OPN5: variants seen among roughly 807,000 people sequenced by gnomAD.
OPN5 encodes the protein opsin-5.
OPN5 carries 18 observed loss-of-function variants against 41.7 expected under a neutral mutation model. The ratio of observed to expected loss-of-function variants is 0.43; its 90% CI spans 0.30 to 0.64. The LOEUF is 0.64. Ranked by LOEUF, OPN5 falls within the 30% of genes least tolerant of loss-of-function variation. The pLI is 0.13. For synonymous variants in OPN5, 178 were observed against 164.3 expected (o/e 1.08, Z -0.64); for missense variants, 318 against 434.5 (o/e 0.73, Z 2.38).
At position 47,794,361 on chromosome 6, in the gene OPN5, G is replaced by C. The variant is rs538340243; in HGVS notation, c.422-868G>C. On this transcript the variant is annotated intron_variant, in intron 3 of 6. Transcript: ENST00000371211. ...TTTCCTGGCCCTCTTCGTTCGAGGT[G>C]ATGAGTGAGGTGTGAAGGTAATTTC... Among the ~76,000 whole-genome samples, 38 of 152,334 alleles carry C rather than the reference G, an allele frequency of 2.5e-4. No individual in the cohort carries two copies. In the South Asian group the frequency reaches 7.9e-3, roughly 32 times the overall value.
chr6:47,795,434 G>A lies in OPN5; in HGVS notation c.627G>A (p.Leu209=), dbSNP rs1346725691. 1.9e-6 allele frequency: 3 copies of A among 1,614,002 alleles called. No individual in the cohort carries two copies. The African/African-American group carries it at 4.0e-5, about 22-fold the overall frequency. ...TGAACATCCTCTTCTTCTGCCTCTT[G>A]CTCCCAACGGCTGTGATCGTGTTCT... The change falls in exon 4 of 7, where the codon TTG becomes TTA. Residue 209 remains leucine (L), a synonymous_variant. Coordinates refer to ENST00000371211, the Ensembl canonical transcript of OPN5.
At chr6:47,816,400 A>T (rs1762430835) in intron 6 of OPN5, among the ~76,000 whole-genome samples, 1 of 152,098 alleles carries the variant, frequency 6.6e-6, no homozygotes. Context: ...CCTGATGAGG[A>T]GAGAAATATG....
At chr6:47,807,593 A>G (rs550491029) in intron 4 of OPN5, among the ~76,000 whole-genome samples, 1 of 152,338 alleles carries the variant, frequency 6.6e-6, no homozygotes, top group South Asian at 2.1e-4. Flanking sequence ...ACTTTGGCTG[A>G]ATCTCAATGA....
At chr6:47,782,058 G>C in exon 1 of OPN5, 1 of 1,612,064 alleles carries the variant, frequency 6.2e-7, no homozygotes, top group Non-Finnish European at 8.5e-7. Context: ...CTCGTGGTTC[G>C]AGAACAGAAT....
intron 2 of OPN5, among the ~76,000 whole-genome samples, chr6:47,791,298 TA>T (rs75693501): frequency 0.24 from 35,545 of 149,710 alleles, 4,305 homozygotes; most frequent in South Asian, 0.3. Flanking sequence ...CTATTTCTGG[TA>T]AAAAAAAAAA....
intron 6 of OPN5, among the ~76,000 whole-genome samples, chr6:47,815,176 A>C (rs1352154327): frequency 1.3e-5 from 2 of 152,168 alleles, no homozygotes; most frequent in African/African-American, 2.4e-5. Context: ...TATATTTCAC[A>C]GTAAAATCCA....
intron 6 of OPN5, among the ~76,000 whole-genome samples, chr6:47,813,743 C>T (rs565422054): frequency 6.6e-6 from 1 of 151,898 alleles, no homozygotes; most frequent in South Asian, 2.1e-4. Context: ...TAAAAAATGG[C>T]ATTAAAAATG....
chr6:47,807,464 T>C (rs1774017647), intron 4 of OPN5, among the ~76,000 whole-genome samples: 1 of 152,182 alleles, frequency 6.6e-6, no homozygotes, highest in African/African-American at 2.4e-5. Flanking sequence ...TCTGAGGGTA[T>C]TTAAAACCCT....
chr6:47,801,782 C>T (rs1295575232), intron 4 of OPN5, among the ~76,000 whole-genome samples: 1 of 149,240 alleles, frequency 6.7e-6, no homozygotes, highest in African/African-American at 2.5e-5. Flanking sequence ...GTTACCACTA[C>T]TTGATGAGAC....
intron 2 of OPN5, among the ~76,000 whole-genome samples, chr6:47,788,814 G>GGT (rs3031318): frequency 6.9e-6 from 1 of 145,424 alleles, no homozygotes; most frequent in East Asian, 2.1e-4. Context: ...CTGGGGGGGG[G>GGT]CGGTGGTGGT....
intron 6 of OPN5, 86 bp from the exon 7 acceptor site, chr6:47,823,897 T>A: frequency 1.1e-6 from 1 of 918,328 alleles, no homozygotes; most frequent in East Asian, 2.6e-5. Flanking sequence ...GTGTGTGGTA[T>A]GTTTAGGCTC....
chr6:47,808,608 TC>T (rs1774069103), intron 5 of OPN5, among the ~76,000 whole-genome samples: 1 of 152,208 alleles, frequency 6.6e-6, no homozygotes, highest in Admixed American at 6.5e-5. Context: ...GAGAAGTGAT[TC>T]TTTTTTGATC....
chr6:47,790,906 A>G (rs191259438), intron 2 of OPN5, among the ~76,000 whole-genome samples: 3 of 152,300 alleles, frequency 2.0e-5, no homozygotes, highest in Admixed American at 6.5e-5. Context: ...GTTAGAAACC[A>G]TATTCCTCCT....
chr6:47,785,318 T>TC (rs1272137957), intron 1 of OPN5, among the ~76,000 whole-genome samples: 1 of 152,200 alleles, frequency 6.6e-6, no homozygotes, highest in African/African-American at 2.4e-5. Context: ...CTTTTATTTT[T>TC]CTCTTCTTCT....
At position 47,791,298 on chromosome 6, in the gene OPN5, T is replaced by TAA. The variant is rs75693501; in HGVS notation, c.251-491_251-490dup. Among the ~76,000 whole-genome samples the TAA allele has an allele frequency of 1.8e-3, 277 of 149,808 alleles. 4 individuals are homozygous for TAA. Among genetic ancestry groups the TAA allele is most frequent in the South Asian group, 5.9e-3 (28 of 4,732 alleles). On this transcript the variant is annotated intron_variant, in intron 2 of 6. Transcript: ENST00000371211. ...AATAAAACTTAACATCTATTTCTGG[T>TAA]AAAAAAAAAAAAAATCTTAACAGAC...
At chr6:47,787,001 C>T (rs1233085501) in intron 2 of OPN5, 1 of 945,472 alleles carries the variant, frequency 1.1e-6, no homozygotes. Context: ...CTCTTCAACC[C>T]TTATGGAAGT....
At chr6:47,799,196 G>GTATA (rs377613785) in intron 4 of OPN5, among the ~76,000 whole-genome samples, 4,584 of 146,494 alleles carry the variant, frequency 0.031, 103 homozygotes, top group Non-Finnish European at 0.042. Context: ...GAGGTGTGAT[G>GTATA]TATATATATA....
At chr6:47,798,423 C>T (rs760093945) in intron 4 of OPN5, among the ~76,000 whole-genome samples, 6 of 150,568 alleles carry the variant, frequency 4.0e-5, no homozygotes, top group Admixed American at 6.6e-5. Context: ...TGTATTATTC[C>T]GCTTGACTTG....
intron 6 of OPN5, among the ~76,000 whole-genome samples, chr6:47,812,348 G>A (rs549733615): frequency 2.6e-5 from 4 of 152,146 alleles, no homozygotes; most frequent in Non-Finnish European, 4.4e-5. Context: ...TTTTACCTGC[G>A]TGGATTTTCT....
Sources: allele counts gnomAD v4.1 joint callset (sites outside exome capture counted in the v4.1 genomes callset), GRCh38; gene constraint gnomAD v4.1.1; transcripts MANE v1.5; gene names NCBI Gene and HGNC (gene_info 2026-07-23, HGNC 2026-07-21).